The following C2CD2L variants were observed in gnomAD, a reference collection of about 807,000 sequenced individuals.
C2CD2L encodes C2CD2 like.
In C2CD2L, 24 loss-of-function variants were observed where a neutral mutation model predicts 69.9. The ratio of observed to expected loss-of-function variants is 0.34; its 90% confidence interval spans 0.25 to 0.48. The LOEUF is 0.48. C2CD2L is among the 20% of genes least tolerant of loss of function. C2CD2L has a pLI of 0.99. For missense variants in C2CD2L, 811 were observed against 941.5 expected, an observed-to-expected ratio of 0.86 and a Z score of 1.81; for synonymous variants, 367 against 391.0, an observed-to-expected ratio of 0.94 and a Z score of 0.72.
chr11:119,110,037 C>A lies in C2CD2L; in HGVS notation c.355-67C>A. On this transcript the variant is annotated intron_variant, in intron 1 of 13. Transcript: ENST00000648610. This position sits in a 1 kb window ranked among gnomAD's most constrained non-coding sequence, Gnocchi z 5.7. ...CGCAGTGGCAGAGTCCAGCCAGCAACTGAGCAGGCCAACCCTGTGGGGGGC... is the reference window on the plus strand; with the variant it reads ...CGCAGTGGCAGAGTCCAGCCAGCAAATGAGCAGGCCAACCCTGTGGGGGGC... 8.6e-7 allele frequency: 1 copy of A among 1,168,376 alleles called. No homozygotes were observed. The highest frequency in any genetic ancestry group is 1.3e-6 in the Non-Finnish European group (1 of 775,028). The allele number at this position is 1,168,376 out of a possible 1,614,324, so 72.4% of individuals were successfully genotyped here.
Position 119,107,789 on chromosome 11 carries a change from G to C in C2CD2L, c.48G>C (p.Leu16=), listed in dbSNP as rs1459646050. 1 of 1,549,650 alleles carries C rather than the reference G, an allele frequency of 6.5e-7. No individual in the cohort carries two copies. Among genetic ancestry groups the C allele is most frequent in the South Asian group, 1.2e-5 (1 of 85,332 alleles). The change falls in exon 1 of 14, where the codon CTG becomes CTC. Residue 16 remains leucine, a synonymous_variant. Transcript: ENST00000648610. The surrounding 1 kb of genome is among the most constrained non-coding windows in gnomAD (Gnocchi z 5.4). ...GGGACGTGGGCTGGGCGGCCTTGCT[G>C]ATCCTCTTCGCCGCCTCGCTGCTCA... ...GQRDVGWAAL[L]ILFAASLLTV...
At position 119,114,279 on chromosome 11, in the gene C2CD2L, T is replaced by C. The variant is rs1018880457; in HGVS notation, c.1823T>C (p.Ile608Thr). The change falls in exon 13 of 14, where the codon ATT (isoleucine) becomes ACT (threonine). Residue 608 changes from isoleucine (I) to threonine (T), a missense_variant. By Grantham distance (89) the Ile-to-Thr change is moderately conservative. Transcript: ENST00000648610. This position sits in a 1 kb window ranked among gnomAD's most constrained non-coding sequence, Gnocchi z 5.1. The stretch of plus-strand genomic sequence containing the variant: ...GCAGACGAGACAACCCGTTCGGATA[T>C]TTCTGAGAGGCCATCTGTGGATGAT... ...QEADETTRSD[I>T]SERPSVDDIE... is the part of the protein sequence containing the mutation. 1.2e-6 allele frequency: 2 copies of C among 1,614,034 alleles called. No homozygotes were observed. The highest frequency in any genetic ancestry group is 1.7e-6 in the Non-Finnish European group (2 of 1,180,032).
chr11:119,115,972 CCATCGTGTCT>C, intron 13 of C2CD2L, 63 bp from the exon 14 acceptor site: 1 of 1,229,048 alleles, frequency 8.1e-7, no homozygotes, highest in Non-Finnish European at 1.2e-6. Flanking sequence ...CCTCCATTCT[CCATCGTGTCT>C]CTGCCCCCGT....
rs183851858 is a variant in C2CD2L, at chr11:119,109,977, G to C, written c.355-127G>C. 1,602 of 710,076 alleles carry C rather than the reference G, an allele frequency of 2.3e-3. 4 individuals are homozygous for C. Among genetic ancestry groups the C allele is most frequent in the Non-Finnish European group, 3.4e-3 (1,344 of 392,932 alleles). 44.0% of individuals were successfully genotyped at this position (710,076 alleles called of 1,614,324 possible). ...CTCCTGTCTTAAAGCCCTGAGCCAA[G>C]GAGGGGCCAGAAGCCAGCCTGCAGC... On this transcript the variant is annotated intron_variant, in intron 1 of 13. Transcript: ENST00000648610. The surrounding 1 kb of genome is among the most constrained non-coding windows in gnomAD (Gnocchi z 5.1).
intron 7 of C2CD2L, 34 bp downstream of exon 7, chr11:119,111,663 A>G: frequency 6.9e-7 from 1 of 1,447,412 alleles, no homozygotes; most frequent in South Asian, 1.2e-5. Context: ...CCCATGCTCC[A>G]GAGCAGAGAG....
intron 10 of C2CD2L, 135 bp from the exon 11 acceptor site, chr11:119,113,476 T>A: frequency 7.4e-7 from 1 of 1,352,458 alleles, no homozygotes; most frequent in South Asian, 1.5e-5. Flanking sequence ...ATCTTCCTAA[T>A]CACCCTTGTG....
At position 119,116,231 on chromosome 11, in the gene C2CD2L, A is replaced by T; in HGVS notation, c.2096A>T (p.Asn699Ile). The T allele has an allele frequency of 6.2e-7, 1 of 1,614,202 alleles. No individual in the cohort carries two copies. The highest frequency in any genetic ancestry group is 2.2e-5 in the East Asian group (1 of 44,890). ...TCCTTCAAATCCAAACCCAAGGCCA[A>T]TGGTAACCCCAGCCCCCAGCTCTGA... Reference protein sequence around the residue: ...RFSFKSKPKANGNPSPQL With the variant: ...RFSFKSKPKAIGNPSPQL Residue 699 changes from asparagine to isoleucine, a missense_variant, in exon 14 of 14, where the codon AAT becomes ATT. Transcript: ENST00000648610.
chr11:119,106,837 A>T (rs1396620713), upstream of C2CD2L: 6 of 152,220 alleles, frequency 3.9e-5, no homozygotes, highest in East Asian at 9.6e-4. Flanking sequence ...GGTGGGGGGA[A>T]TTCAAATTCG....
Position 119,110,343 on chromosome 11 carries a change from T to C in C2CD2L, c.450+144T>C. 1.1e-5 allele frequency: 9 copies of C among 805,100 alleles called. No homozygotes were observed. The highest frequency in any genetic ancestry group is 1.4e-5 in the Non-Finnish European group (7 of 510,748). The allele number at this position is 805,100 out of a possible 1,614,324, so 49.9% of individuals were successfully genotyped here. ...GGTTTCAGGAAGTCTGAGAATCCCA[T>C]TGAAGTTATGTGCAAAATGTTGGAT... On this transcript the variant is annotated intron_variant, in intron 2 of 13. Transcript: ENST00000648610. The surrounding 1 kb of genome is among the most constrained non-coding windows in gnomAD (Gnocchi z 5.7).
Position 119,112,794 on chromosome 11 carries a change from A to G in C2CD2L, c.1307A>G (p.Asp436Gly), listed in dbSNP as rs1292987636. 3.1e-6 allele frequency: 5 copies of G among 1,613,876 alleles called. No individual in the cohort carries two copies. The highest frequency in any genetic ancestry group is 4.2e-6 in the Non-Finnish European group (5 of 1,179,946). Residue 436 changes from aspartate to glycine, a missense_variant, in exon 10 of 14, where the codon GAC becomes GGC. Coordinates refer to ENST00000648610, the MANE Select transcript of C2CD2L (RefSeq NM_001290474.2). ...SITPTKKIEL[D>G]RTIMPDGTIV... ...ACACCTACCAAGAAGATTGAGCTTGACCGGACCATCATGCCCGATGGCACC... is the reference window on the plus strand; with the variant it reads ...ACACCTACCAAGAAGATTGAGCTTGGCCGGACCATCATGCCCGATGGCACC...
rs749856347 is a variant in C2CD2L, at chr11:119,114,319, G to A, written c.1863G>A (p.Thr621=). ...CTGTGGATGATATTGAGTCGGAAAC[G>A]GGGTCCACTGGTGCCCTGGAGACCC... ...RPSVDDIESE[T]GSTGALETRS... The change falls in exon 13 of 14, where the codon ACG becomes ACA. Residue 621 remains threonine (T), a synonymous_variant. Coordinates refer to ENST00000648610, the MANE Select transcript of C2CD2L (RefSeq NM_001290474.2). This position sits in a 1 kb window ranked among gnomAD's most constrained non-coding sequence, Gnocchi z 5.1. The A allele has an allele frequency of 4.5e-5, 72 of 1,614,034 alleles. No homozygotes were observed. Among genetic ancestry groups the A allele is most frequent in the East Asian group, 6.7e-5 (3 of 44,896 alleles).
chr11:119,112,031 G>A, intron 7 of C2CD2L: 1 of 481,074 alleles, frequency 2.1e-6, no homozygotes, highest in Non-Finnish European at 3.7e-6. Flanking sequence ...AGTATTCTCG[G>A]CAGAGGGAAG....
At position 119,111,894 on chromosome 11, in the gene C2CD2L, C is replaced by T. The variant is rs151065642; in HGVS notation, c.1019+265C>T. On this transcript the variant is annotated intron_variant, in intron 7 of 13. Coordinates refer to ENST00000648610, the MANE Select transcript of C2CD2L (RefSeq NM_001290474.2). ...TCCAGTTGAGGTTTATGTAATGTGC[C>T]GTCAGAGTGCCTAGGTGGGGGGGAG... 1,218 of 473,172 alleles carry T rather than the reference C, an allele frequency of 2.6e-3. 3 individuals are homozygous for T. The highest frequency in any genetic ancestry group is 3.0e-3 in the Non-Finnish European group (800 of 264,464). 29.3% of individuals were successfully genotyped at this position (473,172 alleles called of 1,614,324 possible). A position where few individuals can be genotyped will look rare whatever the true frequency, so the allele number is the denominator to read the frequency against.
rs571400637 is a variant in C2CD2L at position 119,116,036 on chromosome 11, C to T, written c.1910-9C>T. 1 of 1,613,054 alleles carries T rather than the reference C, an allele frequency of 6.2e-7. No homozygotes were observed. The highest frequency in any genetic ancestry group is 1.1e-5 in the South Asian group (1 of 91,062). The stretch of plus-strand genomic sequence containing the variant: ...CCTCTCTGCCTCAGCTTCCCCTCTT[C>T]CCCTGCAGTGAGTTTCCTGCGCAGC... On this transcript the variant is annotated splice_polypyrimidine_tract_variant and intron_variant, in intron 13 of 13. Transcript: ENST00000648610.
In C2CD2L at chr11:119,111,518, C is replaced by T. The variant is rs778278828; in HGVS notation, c.911-3C>T. The T allele has an allele frequency of 2.5e-6, 4 of 1,613,558 alleles. No individual in the cohort carries two copies. Among genetic ancestry groups the T allele is most frequent in the Non-Finnish European group, 3.4e-6 (4 of 1,179,446 alleles). On this transcript the variant is annotated splice_region_variant and splice_polypyrimidine_tract_variant and intron_variant, in intron 6 of 13. Coordinates refer to ENST00000648610, the MANE Select transcript of C2CD2L (RefSeq NM_001290474.2). ...GCATCTTCTAACTTCTGGTTCATCA[C>T]AGGCACCGAGGAACTGTGCTGTGTA...
At position 119,110,089 on chromosome 11, in the gene C2CD2L, A is replaced by C; in HGVS notation, c.355-15A>C. 2 of 1,590,748 alleles carry C rather than the reference A, an allele frequency of 1.3e-6. No individual in the cohort carries two copies. The highest frequency in any genetic ancestry group is 1.7e-6 in the Non-Finnish European group (2 of 1,158,748). On this transcript the variant is annotated splice_polypyrimidine_tract_variant and intron_variant, in intron 1 of 13. Transcript: ENST00000648610. The surrounding 1 kb of genome is among the most constrained non-coding windows in gnomAD (Gnocchi z 5.7). ...GCTCCAGAGACCTGATCCAATGCCC[A>C]CATTACTCCCTCAGAGCTCCATCCA... is the stretch of plus-strand genomic sequence containing the variant.
rs1041329870 is a variant in C2CD2L, at chr11:119,114,632, C to A, written c.1909+267C>A. The A allele has an allele frequency of 2.1e-5, 9 of 425,802 alleles. No homozygotes were observed. The African/African-American group carries it at 3.0e-4, about 14-fold the overall frequency. The allele number at this position is 425,802 out of a possible 1,614,324, so 26.4% of individuals were successfully genotyped here. On this transcript the variant is annotated intron_variant, in intron 13 of 13. Coordinates refer to ENST00000648610, the MANE Select transcript of C2CD2L (RefSeq NM_001290474.2). This position sits in a 1 kb window ranked among gnomAD's most constrained non-coding sequence, Gnocchi z 5.1. ...CTGAGTCTAAGTGCCATTTTTCCTG[C>A]CCTTTAAAAAAAAATTATAAAAATT...
upstream of C2CD2L, among the ~76,000 whole-genome samples, chr11:119,105,133 A>T (rs1419228638): frequency 6.6e-6 from 1 of 152,222 alleles, no homozygotes; most frequent in African/African-American, 2.4e-5. Flanking sequence ...ACTGTGGAGG[A>T]TACAAACTAA....
At chr11:119,115,565 C>T in intron 13 of C2CD2L, 1 of 182,536 alleles carries the variant, frequency 5.5e-6, no homozygotes, top group Non-Finnish European at 1.2e-5. Context: ...CTGAATTTAC[C>T]TCTTTGAAGT....
Sources: allele counts gnomAD v4.1 joint callset (sites outside exome capture counted in the v4.1 genomes callset), GRCh38; gene constraint gnomAD v4.1.1; non-coding constraint Gnocchi (gnomAD v3.1); transcripts MANE v1.5; gene names NCBI Gene and HGNC (gene_info 2026-07-23, HGNC 2026-07-21).